The following PPP2R3A variants were observed in gnomAD, a reference collection of about 807,000 sequenced individuals.
PPP2R3A encodes the protein serine/threonine-protein phosphatase 2A regulatory subunit B'' subunit alpha.
A neutral mutation model predicts 106.9 loss-of-function variants in PPP2R3A; 80 were observed. The observed-to-expected ratio is 0.75, with a 90% CI of 0.62 to 0.90. The LOEUF is 0.90. Ranked by LOEUF, PPP2R3A falls within the 40% of genes least tolerant of loss-of-function variation. PPP2R3A has a pLI of 0.00. For missense variants in PPP2R3A, 1,386 were observed against 1,350.4 expected, an observed-to-expected ratio of 1.03 and a Z score of -0.41; for synonymous variants, 483 against 468.3, an observed-to-expected ratio of 1.03 and a Z score of -0.41.
chr3:136,012,566 C>G (rs1177920198), intron 2 of PPP2R3A, among the ~76,000 whole-genome samples: 1 of 152,088 alleles, frequency 6.6e-6, no homozygotes, highest in Non-Finnish European at 1.5e-5. Context: ...CTACCACTAC[C>G]TGGCCTCCTT....
intron 8 of PPP2R3A, 135 bp downstream of exon 8, chr3:136,082,556 G>C: frequency 1.1e-6 from 1 of 887,850 alleles, no homozygotes; most frequent in Non-Finnish European, 1.7e-6. Flanking sequence ...TAATTTTTAA[G>C]AGGGGATGAG....
At chr3:136,055,074 A>G (rs1024405822) in intron 5 of PPP2R3A, 6 of 373,942 alleles carry the variant, frequency 1.6e-5, no homozygotes, top group Non-Finnish European at 2.4e-5. Flanking sequence ...TCAATATTTT[A>G]AAGTATATTT....
intron 13 of PPP2R3A, among the ~76,000 whole-genome samples, chr3:136,124,331 T>G (rs1490339719): frequency 6.6e-6 from 1 of 152,036 alleles, no homozygotes; most frequent in Non-Finnish European, 1.5e-5. Flanking sequence ...TTCTACAGAA[T>G]TAGCCGGGCA....
At chr3:136,093,271 C>T (rs1937136504) in intron 10 of PPP2R3A, among the ~76,000 whole-genome samples, 1 of 152,048 alleles carries the variant, frequency 6.6e-6, no homozygotes, top group Non-Finnish European at 1.5e-5. Flanking sequence ...TAACCAGGCA[C>T]AGCGGCACGC....
chr3:136,110,167 A>G (rs1937572489), intron 13 of PPP2R3A, among the ~76,000 whole-genome samples: 1 of 152,218 alleles, frequency 6.6e-6, no homozygotes, highest in African/African-American at 2.4e-5. Context: ...CTAAGCAGCC[A>G]GTGAGAACAG....
chr3:135,989,881 A>G (rs1559854407), intron 1 of PPP2R3A, among the ~76,000 whole-genome samples: 1 of 152,180 alleles, frequency 6.6e-6, no homozygotes, highest in Non-Finnish European at 1.5e-5. Context: ...TTAAAAAGTT[A>G]TATGCACAAA....
intron 1 of PPP2R3A, among the ~76,000 whole-genome samples, chr3:135,968,637 C>T (rs1193143170): frequency 7.0e-6 from 1 of 142,948 alleles, no homozygotes; most frequent in African/African-American, 2.6e-5. Flanking sequence ...AAGACCGACG[C>T]CTGGGCCCTC....
In PPP2R3A at chr3:136,108,208, C is replaced by A. The variant is rs568143902; in HGVS notation, c.3329+1886C>A. ...AGCCTGGCCTGCAGAGCTAGCTAGACCCTGACACACACACACACAGCAAGT... is the reference window on the plus strand; with the variant it reads ...AGCCTGGCCTGCAGAGCTAGCTAGAACCTGACACACACACACACAGCAAGT... On this transcript the variant is annotated intron_variant, in intron 13 of 13. Coordinates refer to ENST00000264977, the MANE Select transcript of PPP2R3A (RefSeq NM_002718.5). 1.4e-3 allele frequency among the ~76,000 whole-genome samples: 209 copies of A among 151,960 alleles called. 2 individuals are homozygous for A. The highest frequency in any genetic ancestry group is 4.5e-3 in the African/African-American group (184 of 41,290).
At chr3:136,104,707 G>C (rs1370711658) in intron 12 of PPP2R3A, among the ~76,000 whole-genome samples, 2 of 152,132 alleles carry the variant, frequency 1.3e-5, no homozygotes, top group African/African-American at 4.8e-5. Flanking sequence ...TAGAGATGGG[G>C]TCTTAAAAGG....
chr3:135,977,612 A>G (rs1271895462), intron 1 of PPP2R3A, among the ~76,000 whole-genome samples: 1 of 152,074 alleles, frequency 6.6e-6, no homozygotes, highest in Non-Finnish European at 1.5e-5. Context: ...TAAAGAGCAT[A>G]AAAAATATAA....
intron 4 of PPP2R3A, among the ~76,000 whole-genome samples, chr3:136,047,493 C>T (rs1935511185): frequency 1.3e-5 from 2 of 152,208 alleles, no homozygotes; most frequent in Admixed American, 6.5e-5. Flanking sequence ...TTCTTTGTAG[C>T]AACATGGATG....
At chr3:135,973,890 T>C (rs1937319737) in intron 1 of PPP2R3A, among the ~76,000 whole-genome samples, 1 of 152,170 alleles carries the variant, frequency 6.6e-6, no homozygotes, top group South Asian at 2.1e-4. Context: ...CTCAATTTGT[T>C]TTCTACAGTT....
chr3:136,003,743 T>C (rs1269336978), intron 2 of PPP2R3A, among the ~76,000 whole-genome samples: 1 of 152,092 alleles, frequency 6.6e-6, no homozygotes, highest in Non-Finnish European at 1.5e-5. Context: ...CTTCATCTTC[T>C]TCCCAGCTCT....
intron 10 of PPP2R3A, among the ~76,000 whole-genome samples, chr3:136,095,337 A>G (rs115184585): frequency 5.6e-4 from 85 of 152,296 alleles, no homozygotes; most frequent in Admixed American, 1.8e-3. Flanking sequence ...CTCCTTTTCT[A>G]CCTTGCATGT....
chr3:136,110,411 A>G (rs187562507), intron 13 of PPP2R3A, among the ~76,000 whole-genome samples: 146 of 152,318 alleles, frequency 9.6e-4, no homozygotes, highest in African/African-American at 3.5e-3. Context: ...TAAAAAAAAA[A>G]TGCAGCCATT....
rs1275633218 is a variant in PPP2R3A at position 136,087,939 on chromosome 3, A to G, written c.2837+8A>G. The G allele has an allele frequency of 6.3e-7, 1 of 1,598,434 alleles. No individual in the cohort carries two copies. Among genetic ancestry groups the G allele is most frequent in the Non-Finnish European group, 8.6e-7 (1 of 1,166,574 alleles). On this transcript the variant is annotated splice_region_variant and intron_variant, in intron 9 of 13. Coordinates refer to ENST00000264977, the MANE Select transcript of PPP2R3A (RefSeq NM_002718.5). The stretch of plus-strand genomic sequence containing the variant: ...CTCTGGTGCAGTAACAAGGTAAGAA[A>G]ACGTTTAATGCTGTGTTTAAAAATG...
intron 5 of PPP2R3A, 116 bp from the exon 6 acceptor site, chr3:136,070,362 A>T: frequency 1.5e-6 from 1 of 674,490 alleles, no homozygotes; most frequent in Non-Finnish European, 2.4e-6. Flanking sequence ...TAAGTGCATT[A>T]TTCATTATTG....
chr3:135,968,007 C>T (rs536983861), intron 1 of PPP2R3A, among the ~76,000 whole-genome samples: 2 of 152,162 alleles, frequency 1.3e-5, no homozygotes, highest in Non-Finnish European at 2.9e-5. Flanking sequence ...CCCAGGAGGA[C>T]CAAAATCACC....
chr3:136,031,153 T>C (rs1470380346), intron 3 of PPP2R3A, among the ~76,000 whole-genome samples: 3 of 152,142 alleles, frequency 2.0e-5, no homozygotes, highest in African/African-American at 7.2e-5. Flanking sequence ...TGTTTTGTTT[T>C]TTCAGGGGTA....
Sources: allele counts gnomAD v4.1 joint callset (sites outside exome capture counted in the v4.1 genomes callset), GRCh38; gene constraint gnomAD v4.1.1; transcripts MANE v1.5; gene names NCBI Gene and HGNC (gene_info 2026-07-23, HGNC 2026-07-21).